STK39: variants seen among roughly 807,000 people sequenced by gnomAD.
The protein encoded by STK39 is serine/threonine kinase 39, also known as STE20/SPS1-related proline-alanine-rich protein kinase.
STK39 carries 20 observed loss-of-function variants against 77.8 expected under a neutral mutation model. The observed-to-expected ratio is 0.26, with a 90% CI of 0.18 to 0.37. The LOEUF (loss-of-function observed/expected upper bound fraction) is 0.37. Ranked by LOEUF, STK39 falls within the 10% of genes least tolerant of loss-of-function variation. The pLI is 1.00. For synonymous variants in STK39, 246 were observed against 234.1 expected, an observed-to-expected ratio of 1.05 and a Z score of -0.47; for missense variants, 479 against 656.5, an observed-to-expected ratio of 0.73 and a Z score of 2.95.
intron 14 of STK39, among the ~76,000 whole-genome samples, chr2:168,061,573 A>G (rs780283458): frequency 6.6e-6 from 1 of 152,246 alleles, no homozygotes; most frequent in African/African-American, 2.4e-5. Flanking sequence ...AGCGTCATGT[A>G]GGACTAGTGA....
intron 16 of STK39, among the ~76,000 whole-genome samples, chr2:167,984,496 G>A (rs1251379486): frequency 2.0e-5 from 3 of 152,222 alleles, no homozygotes; most frequent in African/African-American, 7.2e-5. Flanking sequence ...GCAGGAGCGA[G>A]GCTGAAGCTG....
At chr2:168,107,565 G>T (rs888027473) in intron 10 of STK39, among the ~76,000 whole-genome samples, 4 of 152,192 alleles carry the variant, frequency 2.6e-5, no homozygotes, top group Admixed American at 2.6e-4. Context: ...CATAAAGGAA[G>T]TCTGGACTGA....
chr2:168,129,640 A>G (rs1362411401), intron 9 of STK39, 34 bp from the exon 10 acceptor site: 1 of 1,614,048 alleles, frequency 6.2e-7, no homozygotes, highest in Admixed American at 1.7e-5. Flanking sequence ...GTTTAACATC[A>G]AATATGATAC....
chr2:168,129,172 C>T (rs1687617761), intron 10 of STK39, among the ~76,000 whole-genome samples: 1 of 152,188 alleles, frequency 6.6e-6, no homozygotes, highest in African/African-American at 2.4e-5. Context: ...TTTTTATCTT[C>T]ATCGTTACAA....
chr2:168,205,333 T>G (rs1168022293), intron 1 of STK39, among the ~76,000 whole-genome samples: 1 of 152,248 alleles, frequency 6.6e-6, no homozygotes, highest in Non-Finnish European at 1.5e-5. Context: ...TAAGTGTGGT[T>G]ATCTTTTGAA....
At chr2:168,106,324 T>C (rs1332521781) in intron 10 of STK39, among the ~76,000 whole-genome samples, 1 of 152,234 alleles carries the variant, frequency 6.6e-6, no homozygotes, top group Non-Finnish European at 1.5e-5. Flanking sequence ...GATTCTGTGA[T>C]GATTCAATGA....
chr2:168,077,126 C>CA (rs1187574165), intron 10 of STK39, among the ~76,000 whole-genome samples: 1 of 152,080 alleles, frequency 6.6e-6, no homozygotes, highest in Non-Finnish European at 1.5e-5. Context: ...AGTGAGAAAA[C>CA]AAGTAAAATT....
chr2:167,994,664 G>A (rs980421563), intron 16 of STK39, among the ~76,000 whole-genome samples: 2 of 152,174 alleles, frequency 1.3e-5, no homozygotes, highest in South Asian at 4.1e-4. Flanking sequence ...TTTAACCATT[G>A]TGGATATTTC....
chr2:168,144,707 C>T (rs916265567), intron 5 of STK39, among the ~76,000 whole-genome samples: 1 of 152,126 alleles, frequency 6.6e-6, no homozygotes, highest in South Asian at 2.1e-4. Flanking sequence ...AAGCTACTCA[C>T]TGCCTTTTCA....
chr2:168,195,267 G>A (rs1689439536), intron 1 of STK39, among the ~76,000 whole-genome samples: 1 of 152,096 alleles, frequency 6.6e-6, no homozygotes, highest in Non-Finnish European at 1.5e-5. Context: ...AGGCATGGTG[G>A]CACATACCTG....
intron 8 of STK39, among the ~76,000 whole-genome samples, chr2:168,135,779 G>A (rs1458154569): frequency 6.6e-6 from 1 of 152,160 alleles, no homozygotes. Flanking sequence ...AGCTACCTGG[G>A]AAGGTGATGT....
intron 1 of STK39, among the ~76,000 whole-genome samples, chr2:168,243,013 T>A (rs1025482850): frequency 6.6e-6 from 1 of 150,814 alleles, no homozygotes; most frequent in Non-Finnish European, 1.5e-5. Flanking sequence ...ATTTCAGACA[T>A]CATTTAGTAT....
chr2:168,141,079 CAT>C (rs970009136), intron 5 of STK39, among the ~76,000 whole-genome samples: 3 of 152,116 alleles, frequency 2.0e-5, no homozygotes, highest in Non-Finnish European at 4.4e-5. Flanking sequence ...CGAGTATGTC[CAT>C]ATGCAAAAAA....
intron 16 of STK39, among the ~76,000 whole-genome samples, chr2:167,980,945 G>C (rs941530264): frequency 6.6e-6 from 1 of 151,242 alleles, no homozygotes; most frequent in African/African-American, 2.4e-5. Context: ...TTAACAGCCA[G>C]TGAAATGTAC....
intron 16 of STK39, among the ~76,000 whole-genome samples, chr2:167,994,156 T>C (rs930374372): frequency 3.9e-5 from 6 of 152,216 alleles, no homozygotes; most frequent in African/African-American, 1.4e-4. Context: ...GAATTTTCCA[T>C]TGTTATGAGT....
chr2:168,231,598 A>T (rs1690457081), intron 1 of STK39, among the ~76,000 whole-genome samples: 2 of 151,782 alleles, frequency 1.3e-5, no homozygotes, highest in Non-Finnish European at 2.9e-5. Context: ...AGACTAAAAT[A>T]TTATTTCTTT....
intron 16 of STK39, among the ~76,000 whole-genome samples, chr2:167,981,840 T>C (rs1334912476): frequency 1.3e-5 from 2 of 152,168 alleles, no homozygotes; most frequent in African/African-American, 4.8e-5. Flanking sequence ...ACTGCCATCA[T>C]CCTTCTTCTC....
intron 10 of STK39, among the ~76,000 whole-genome samples, chr2:168,075,851 T>G (rs1354727020): frequency 6.6e-6 from 1 of 152,172 alleles, no homozygotes; most frequent in African/African-American, 2.4e-5. Flanking sequence ...TTATGAGACC[T>G]GTGAGATTGC....
chr2:168,117,951 C>T (rs1348076074), intron 10 of STK39, among the ~76,000 whole-genome samples: 1 of 152,038 alleles, frequency 6.6e-6, no homozygotes, highest in African/African-American at 2.4e-5. Context: ...TTGACAAGAT[C>T]AAAAGGGCAT....
Sources: gnomAD v4.1 joint callset for allele counts (sites outside exome capture counted in the v4.1 genomes callset) on GRCh38, gnomAD v4.1.1 for gene constraint, MANE v1.5 for transcripts, NCBI Gene and HGNC (gene_info 2026-07-23, HGNC 2026-07-21) for gene names.